The following DPP10 variants were observed in gnomAD, a reference collection of about 807,000 sequenced individuals.
DPP10 encodes the protein dipeptidyl peptidase like 10.
Under a neutral mutation model 120.9 loss-of-function variants are expected in DPP10, and 33 were observed. The observed-to-expected ratio is 0.27, with a 90% confidence interval of 0.21 to 0.37. The LOEUF is 0.37. DPP10 is among the 10% of genes least tolerant of loss of function. The pLI is 1.00. For missense variants in DPP10, 816 were observed against 942.8 expected (o/e 0.87, Z 1.76); for synonymous variants, 337 against 326.1 (o/e 1.03, Z -0.36).
At chr2:114,448,529 T>C (rs1251794955) in intron 1 of DPP10, among the ~76,000 whole-genome samples, 2 of 152,172 alleles carry the variant, frequency 1.3e-5, no homozygotes, top group African/African-American at 4.8e-5. Flanking sequence ...TGTGAACTCA[T>C]TAAAAATGCA....
chr2:115,385,210 G>A (rs998137671), intron 3 of DPP10, among the ~76,000 whole-genome samples: 1 of 152,028 alleles, frequency 6.6e-6, no homozygotes, highest in Non-Finnish European at 1.5e-5. Flanking sequence ...TCCTCATTCC[G>A]GAGGGGTCCT....
At chr2:115,554,787 A>C (rs1256593521) in intron 5 of DPP10, among the ~76,000 whole-genome samples, 3 of 152,102 alleles carry the variant, frequency 2.0e-5, no homozygotes, top group Non-Finnish European at 4.4e-5. Context: ...GACAAAACAC[A>C]AGTACAGGGC....
At chr2:114,660,335 C>A (rs950215059) in intron 1 of DPP10, among the ~76,000 whole-genome samples, 1 of 152,090 alleles carries the variant, frequency 6.6e-6, no homozygotes, top group Non-Finnish European at 1.5e-5. Context: ...CTATCCTTGA[C>A]ACCTGCTCAG....
chr2:114,960,366 G>A (rs201982314), intron 1 of DPP10, among the ~76,000 whole-genome samples: 105 of 143,814 alleles, frequency 7.3e-4, no homozygotes, highest in Admixed American at 1.9e-3. Context: ...GTGTATGTGC[G>A]TATATATATA....
At chr2:115,790,448 C>A (rs1362255071) in intron 17 of DPP10, among the ~76,000 whole-genome samples, 1 of 152,204 alleles carries the variant, frequency 6.6e-6, no homozygotes, top group Non-Finnish European at 1.5e-5. Context: ...GCACGTACCT[C>A]AAAATTCCAG....
chr2:114,722,524 C>A (rs1701762407), intron 1 of DPP10, among the ~76,000 whole-genome samples: 1 of 151,998 alleles, frequency 6.6e-6, no homozygotes, highest in African/African-American at 2.4e-5. Context: ...CGCCTGTAAT[C>A]CCAGCACTTT....
At chr2:114,695,010 G>A (rs1236247419) in intron 1 of DPP10, among the ~76,000 whole-genome samples, 1 of 152,036 alleles carries the variant, frequency 6.6e-6, no homozygotes, top group East Asian at 1.9e-4. Flanking sequence ...TCAGCTCACG[G>A]AGGACCTTGC....
chr2:115,085,040 G>T (rs887174910), intron 1 of DPP10, among the ~76,000 whole-genome samples: 1 of 152,182 alleles, frequency 6.6e-6, no homozygotes, highest in Non-Finnish European at 1.5e-5. Flanking sequence ...GCCAAATGTG[G>T]CAAGAGATGG....
intron 1 of DPP10, among the ~76,000 whole-genome samples, chr2:114,708,484 G>T (rs561286574): frequency 1.3e-5 from 2 of 152,292 alleles, no homozygotes; most frequent in Admixed American, 1.3e-4. Flanking sequence ...CTGTCTTCCT[G>T]CACACATTCT....
rs34515129 is a variant in DPP10, at chr2:115,059,685, G to GAAAAAAAAA, written c.61-249544_61-249536dup. ...TTGGGAACATTAGTGACCTCAACAG[G>GAAAAAAAAA]AAAAAAAAAAAAAAAAAAGCAAACG... On this transcript the variant is annotated intron_variant, in intron 1 of 25. Coordinates refer to ENST00000410059, the MANE Select transcript of DPP10 (RefSeq NM_020868.6). Among the ~76,000 whole-genome samples the GAAAAAAAAA allele has an allele frequency of 2.6e-5, 3 of 116,312 alleles. 1 individual carries two copies. Among genetic ancestry groups the GAAAAAAAAA allele is most frequent in the Non-Finnish European group, 5.0e-5 (3 of 59,564 alleles). The allele number at this position is 116,312 out of a possible 152,430, so 76.3% of individuals were successfully genotyped here.
At chr2:115,680,629 G>T (rs2090586399) in intron 5 of DPP10, among the ~76,000 whole-genome samples, 1 of 151,952 alleles carries the variant, frequency 6.6e-6, no homozygotes, top group Non-Finnish European at 1.5e-5. Flanking sequence ...AAAAAAGTGT[G>T]TGAGAACTTA....
intron 1 of DPP10, among the ~76,000 whole-genome samples, chr2:114,608,240 C>T (rs531223058): frequency 1.9e-5 from 2 of 104,286 alleles, no homozygotes; most frequent in Admixed American, 2.2e-4. Context: ...CAGAAGATAA[C>T]CAGGTGGTTT....
chr2:115,739,598 A>C, intron 8 of DPP10, 141 bp from the exon 9 acceptor site: 2 of 874,522 alleles, frequency 2.3e-6, no homozygotes, highest in South Asian at 3.7e-5. Context: ...TCAGAATTAG[A>C]GAATTTTCAG....
intron 5 of DPP10, among the ~76,000 whole-genome samples, chr2:115,625,730 T>C (rs1389029700): frequency 6.6e-6 from 1 of 152,124 alleles, no homozygotes; most frequent in South Asian, 2.1e-4. Context: ...CCTAGGGTTT[T>C]AAATTCCAGC....
intron 1 of DPP10, among the ~76,000 whole-genome samples, chr2:115,295,566 C>T (rs1285683431): frequency 1.3e-5 from 2 of 152,032 alleles, no homozygotes; most frequent in African/African-American, 4.8e-5. Context: ...ATATTGATTA[C>T]TACAGTGGAA....
chr2:115,303,394 A>G (rs1028169731), intron 1 of DPP10, among the ~76,000 whole-genome samples: 5 of 151,850 alleles, frequency 3.3e-5, no homozygotes, highest in Non-Finnish European at 5.9e-5. Flanking sequence ...TATTTTTTCC[A>G]GAAGGAAAAG....
intron 1 of DPP10, among the ~76,000 whole-genome samples, chr2:115,129,027 G>T (rs2050211809): frequency 6.6e-6 from 1 of 152,178 alleles, no homozygotes; most frequent in Non-Finnish European, 1.5e-5. Context: ...CCCATCAAAG[G>T]ATATTAGGTA....
At chr2:114,838,779 T>A (rs2106439349) in intron 1 of DPP10, among the ~76,000 whole-genome samples, 1 of 152,280 alleles carries the variant, frequency 6.6e-6, no homozygotes, top group African/African-American at 2.4e-5. Context: ...AGATTTCTCC[T>A]TAACTCTGTC....
intron 5 of DPP10, among the ~76,000 whole-genome samples, chr2:115,560,901 CTATT>C (rs978930678): frequency 4.6e-5 from 7 of 152,108 alleles, no homozygotes; most frequent in African/African-American, 1.4e-4. Context: ...ATGGGTGCCT[CTATT>C]TATTTAGACA....
Sources: allele counts gnomAD v4.1 joint callset (sites outside exome capture counted in the v4.1 genomes callset), GRCh38; gene constraint gnomAD v4.1.1; transcripts MANE v1.5; gene names NCBI Gene and HGNC (gene_info 2026-07-23, HGNC 2026-07-21).